Variants in CNTN5 observed in about 807,000 individuals in gnomAD.
CNTN5 encodes contactin-5.
In CNTN5, 77 loss-of-function variants were observed where a neutral mutation model predicts 129.1. The observed-to-expected ratio is 0.60, with a 90% CI of 0.50 to 0.72. CNTN5 has a LOEUF of 0.72. Among genes scored for constraint, CNTN5 ranks in the 30% least tolerant of loss-of-function variants. The probability of loss-of-function intolerance (pLI) is 0.00; values close to 1 mark genes in which losing one functional copy is unlikely to be tolerated. For synonymous variants in CNTN5, 509 were observed against 465.6 expected (o/e 1.09, Z -1.20); for missense variants, 1,478 against 1,328.8 (o/e 1.11, Z -1.75).
intron 21 of CNTN5, among the ~76,000 whole-genome samples, chr11:100,337,827 C>A (rs1352681400): frequency 2.6e-5 from 4 of 152,170 alleles, no homozygotes; most frequent in East Asian, 3.9e-4. Context: ...GACAGGGATA[C>A]AATCCCAGGT....
At chr11:99,335,119 G>T (rs1866166541) in intron 2 of CNTN5, among the ~76,000 whole-genome samples, 1 of 152,100 alleles carries the variant, frequency 6.6e-6, no homozygotes, top group Admixed American at 6.6e-5. Flanking sequence ...CAAATATTCA[G>T]CATTTGTTTG....
At chr11:99,581,986 G>C (rs1312558534) in intron 3 of CNTN5, among the ~76,000 whole-genome samples, 2 of 151,900 alleles carry the variant, frequency 1.3e-5, no homozygotes, top group Non-Finnish European at 2.9e-5. Context: ...TCCATGTTTA[G>C]TACTTCCTTC....
At chr11:100,088,240 C>T (rs1324760615) in intron 13 of CNTN5, among the ~76,000 whole-genome samples, 1 of 151,404 alleles carries the variant, frequency 6.6e-6, no homozygotes, top group Non-Finnish European at 1.5e-5. Flanking sequence ...TTCTGAAAAG[C>T]AGTGTTAAGA....
intron 9 of CNTN5, among the ~76,000 whole-genome samples, chr11:100,033,226 G>T (rs769027096): frequency 3.9e-5 from 6 of 152,272 alleles, no homozygotes; most frequent in Middle Eastern, 3.4e-3. Flanking sequence ...GAGAAGCACG[G>T]GAAACTAATC....
At position 99,918,655 on chromosome 11, in the gene CNTN5, T is replaced by C. The variant is rs148071823; in HGVS notation, c.673+2506T>C. 6.6e-5 allele frequency among the ~76,000 whole-genome samples: 10 copies of C among 152,190 alleles called. 1 individual carries two copies. The East Asian group carries it at 1.4e-3, about 21-fold the overall frequency. Reference sequence around the variant, plus strand: ...TCCCAGTTTTTAGTATATATTATAGTATATAGTACAGTATATGGTACAGTA... The same window carrying C: ...TCCCAGTTTTTAGTATATATTATAGCATATAGTACAGTATATGGTACAGTA... On this transcript the variant is annotated intron_variant, in intron 7 of 24. Coordinates refer to ENST00000524871, the MANE Select transcript of CNTN5 (RefSeq NM_014361.4).
At chr11:100,209,034 G>A (rs922823403) in intron 15 of CNTN5, among the ~76,000 whole-genome samples, 32 of 152,122 alleles carry the variant, frequency 2.1e-4, no homozygotes, top group African/African-American at 7.2e-4. Context: ...TCCAGTGCAC[G>A]CACGCAATGC....
At chr11:99,462,136 T>C (rs1944723598) in intron 2 of CNTN5, among the ~76,000 whole-genome samples, 1 of 152,114 alleles carries the variant, frequency 6.6e-6, no homozygotes, top group African/African-American at 2.4e-5. Context: ...TGGGAAGGTA[T>C]AACATAACCA....
At chr11:99,387,755 T>G (rs10790708) in intron 2 of CNTN5, among the ~76,000 whole-genome samples, 127 of 152,122 alleles carry the variant, frequency 8.3e-4, no homozygotes, top group African/African-American at 2.6e-3. Context: ...TTTGACCTTA[T>G]GCTGGGATAT....
intron 6 of CNTN5, among the ~76,000 whole-genome samples, chr11:99,854,903 AAG>A (rs1220756275): frequency 6.6e-6 from 1 of 152,158 alleles, no homozygotes; most frequent in Admixed American, 6.5e-5. Flanking sequence ...GGTAGAAAGA[AAG>A]AAGCTAGTGA....
rs182034881 is a variant in CNTN5 at position 99,114,621 on chromosome 11, A to G, written c.-210+93351A>G. On this transcript the variant is annotated intron_variant, in intron 1 of 24. Transcript: ENST00000524871. ...TGAAAAAAATACTCGAATTAAAGGC[A>G]TATCCATTAATTATCTTCTTTTTTA... 1.1e-3 allele frequency among the ~76,000 whole-genome samples: 170 copies of G among 152,242 alleles called. 1 individual carries two copies. The highest frequency in any genetic ancestry group is 3.9e-3 in the African/African-American group (162 of 41,550).
intron 1 of CNTN5, among the ~76,000 whole-genome samples, chr11:99,194,392 CA>C (rs149130750): frequency 0.017 from 2,600 of 151,938 alleles, 40 homozygotes; most frequent in African/African-American, 0.037. Flanking sequence ...TAATAGGTTG[CA>C]ATAAGATACA....
chr11:99,817,491 G>A (rs560809439), intron 3 of CNTN5, among the ~76,000 whole-genome samples: 2 of 151,628 alleles, frequency 1.3e-5, no homozygotes, highest in East Asian at 3.9e-4. Flanking sequence ...CCTTACTATG[G>A]CCTTTCTACT....
chr11:99,021,668 A>G (rs1862875394), intron 1 of CNTN5, among the ~76,000 whole-genome samples: 2 of 152,220 alleles, frequency 1.3e-5, no homozygotes, highest in Admixed American at 1.3e-4. Context: ...TGTATGCCTT[A>G]TGTTTGAGCA....
chr11:99,807,020 A>C (rs969705602), intron 3 of CNTN5, among the ~76,000 whole-genome samples: 1 of 152,108 alleles, frequency 6.6e-6, no homozygotes, highest in African/African-American at 2.4e-5. Context: ...AAAACAAATC[A>C]GAACTCAATA....
intron 17 of CNTN5, among the ~76,000 whole-genome samples, chr11:100,257,073 T>C (rs1026073224): frequency 7.1e-4 from 108 of 152,242 alleles, no homozygotes; most frequent in African/African-American, 1.9e-3. Flanking sequence ...AGTCTGAAGT[T>C]GACCTGGGAT....
rs533093875 is a variant in CNTN5 at position 99,526,425 on chromosome 11, G to A, written c.-70-29720G>A. 6.6e-5 allele frequency among the ~76,000 whole-genome samples: 10 copies of A among 152,308 alleles called. No homozygotes were observed. The South Asian group carries it at 8.3e-4, about 13-fold the overall frequency. ...TGCTTTTTACTGAAATCTGAAAGCC[G>A]AGAAGTCCGGAACTGGCTTTACAAA... On this transcript the variant is annotated intron_variant, in intron 2 of 24. Transcript: ENST00000524871.
chr11:100,100,560 G>C (rs1038311552), intron 13 of CNTN5, among the ~76,000 whole-genome samples: 3 of 152,018 alleles, frequency 2.0e-5, no homozygotes, highest in African/African-American at 7.2e-5. Context: ...GGCATCTGTA[G>C]ACTATTTGCT....
At chr11:99,941,980 A>G (rs1950449196) in intron 7 of CNTN5, among the ~76,000 whole-genome samples, 2 of 152,052 alleles carry the variant, frequency 1.3e-5, no homozygotes, top group Admixed American at 1.3e-4. Context: ...ATAACCAAAC[A>G]CTGCATTCAT....
intron 2 of CNTN5, among the ~76,000 whole-genome samples, chr11:99,439,505 C>T (rs902515727): frequency 6.6e-6 from 1 of 151,702 alleles, no homozygotes; most frequent in Non-Finnish European, 1.5e-5. Context: ...GTCAGGAGTT[C>T]AACACCAGCC....
Sources: gnomAD v4.1 joint callset for allele counts (sites outside exome capture counted in the v4.1 genomes callset) on GRCh38, gnomAD v4.1.1 for gene constraint, MANE v1.5 for transcripts, NCBI Gene and HGNC (gene_info 2026-07-23, HGNC 2026-07-21) for gene names.